TACC2: variants seen among roughly 807,000 people sequenced by gnomAD.
The protein encoded by TACC2 is transforming acidic coiled-coil containing protein 2, also known as transforming acidic coiled-coil-containing protein 2.
In TACC2, 137 loss-of-function variants were observed where a neutral mutation model predicts 227.3. The ratio of observed to expected loss-of-function variants is 0.60; its 90% CI spans 0.52 to 0.69. The LOEUF is 0.69. TACC2 is among the 30% of genes least tolerant of loss of function. The pLI is 0.00. For synonymous variants in TACC2, 1,523 were observed against 1,487.5 expected, an observed-to-expected ratio of 1.02 and a Z score of -0.55; for missense variants, 3,470 against 3,694.4, an observed-to-expected ratio of 0.94 and a Z score of 1.57.
At position 122,210,323 on chromosome 10, in the gene TACC2, G is replaced by A; in HGVS notation, c.5972-74G>A. ...GTCAACCCCTACGCTGGAGGGTGAT[G>A]TTTTGGTACAAGAGGAGAGGTGCCC... On this transcript the variant is annotated intron_variant, in intron 8 of 22. Transcript: ENST00000369005. This position sits in a 1 kb window ranked among gnomAD's most constrained non-coding sequence, Gnocchi z 4.6. 8.2e-7 allele frequency: 1 copy of A among 1,221,820 alleles called. No individual in the cohort carries two copies. The highest frequency in any genetic ancestry group is 1.2e-6 in the Non-Finnish European group (1 of 829,774). 75.7% of individuals were successfully genotyped at this position (1,221,820 alleles called of 1,614,324 possible).
intron 7 of TACC2, among the ~76,000 whole-genome samples, chr10:122,163,202 G>A (rs2092925766): frequency 6.6e-6 from 1 of 152,144 alleles, no homozygotes; most frequent in African/African-American, 2.4e-5. Flanking sequence ...CTCTCCCAGC[G>A]TCGCTCCCGC....
At chr10:122,216,894 A>C in intron 11 of TACC2, 66 bp downstream of exon 11, 1 of 1,613,198 alleles carries the variant, frequency 6.2e-7, no homozygotes, top group Admixed American at 1.7e-5. Flanking sequence ...TAGGGAGCCA[A>C]AGGCCAGGAG....
intron 22 of TACC2, among the ~76,000 whole-genome samples, chr10:122,252,457 G>C (rs1050448662): frequency 2.0e-5 from 3 of 151,994 alleles, no homozygotes; most frequent in African/African-American, 7.2e-5. Context: ...AGCAGCCCCA[G>C]CAGGGGCCAT....
chr10:122,052,563 G>A, intron 3 of TACC2: 1 of 151,666 alleles, frequency 6.6e-6, no homozygotes, highest in Non-Finnish European at 1.5e-5. Flanking sequence ...TGTGCCTGTA[G>A]TCCCAGCTAC....
chr10:122,135,727 C>T (rs892478409), intron 6 of TACC2, among the ~76,000 whole-genome samples: 2 of 152,228 alleles, frequency 1.3e-5, no homozygotes, highest in African/African-American at 4.8e-5. Flanking sequence ...AGAGTTGATA[C>T]TTGTGGTCCT....
chr10:122,047,755 T>C (rs1484776417), intron 2 of TACC2, among the ~76,000 whole-genome samples: 1 of 152,190 alleles, frequency 6.6e-6, no homozygotes, highest in Non-Finnish European at 1.5e-5. Context: ...TTCAATGACA[T>C]AGTTCATGGA....
intron 8 of TACC2, among the ~76,000 whole-genome samples, chr10:122,203,170 C>T (rs1405114876): frequency 1.4e-4 from 22 of 152,022 alleles, no homozygotes; most frequent in Non-Finnish European, 2.1e-4. Context: ...CAACGAGCTG[C>T]TGGGTACACC....
intron 2 of TACC2, among the ~76,000 whole-genome samples, chr10:122,049,472 TG>T (rs1458222741): frequency 2.0e-5 from 3 of 152,088 alleles, no homozygotes; most frequent in African/African-American, 7.2e-5. Context: ...GGCAGGGACA[TG>T]GGGCACTATG....
At chr10:122,233,237 AC>A (rs2095793476) in intron 16 of TACC2, among the ~76,000 whole-genome samples, 2 of 152,174 alleles carry the variant, frequency 1.3e-5, no homozygotes, top group African/African-American at 4.8e-5. Context: ...AGTGAACCTG[AC>A]CAAGGTCACT....
chr10:122,041,748 G>A (rs2074298338), intron 2 of TACC2, among the ~76,000 whole-genome samples: 1 of 152,186 alleles, frequency 6.6e-6, no homozygotes, highest in South Asian at 2.1e-4. Flanking sequence ...ACCCGGCCTT[G>A]ACAGCAGAGA....
intron 16 of TACC2, 111 bp from the exon 17 acceptor site, chr10:122,237,284 T>C (rs1280752192): frequency 9.3e-7 from 1 of 1,069,548 alleles, no homozygotes; most frequent in Non-Finnish European, 1.3e-6. Context: ...CTTTTGATGT[T>C]CTTTGTTTCA....
intron 9 of TACC2, among the ~76,000 whole-genome samples, chr10:122,214,945 G>T (rs979723284): frequency 2.2e-4 from 34 of 152,026 alleles, no homozygotes; most frequent in South Asian, 4.2e-4. Flanking sequence ...TTTCTGCGTG[G>T]CCCCCTTCAG....
chr10:122,082,873 C>G lies in TACC2; in HGVS notation c.373C>G (p.Pro125Ala), dbSNP rs1478832013. 6.2e-7 allele frequency: 1 copy of G among 1,613,414 alleles called. No individual in the cohort carries two copies. Among genetic ancestry groups the G allele is most frequent in the East Asian group, 2.2e-5 (1 of 44,852 alleles). ...TCCCCCGGAAGGTTGCTTGGCAAGT[C>G]CAGCAGCGGCACCTGAAGATGGTCC... ...ECPPEGCLAS[P>A]AAAPEDGPQT... Residue 125 changes from proline to alanine, a missense_variant, in exon 4 of 23, where the codon CCA becomes GCA. Transcript: ENST00000369005.
intron 7 of TACC2, among the ~76,000 whole-genome samples, chr10:122,175,200 C>T (rs1377070239): frequency 6.6e-6 from 1 of 152,198 alleles, no homozygotes; most frequent in Admixed American, 6.5e-5. Flanking sequence ...AGCAATTCTC[C>T]TGCCTTGGCC....
At chr10:121,998,170 G>A (rs1953792410) in intron 1 of TACC2, among the ~76,000 whole-genome samples, 2 of 151,960 alleles carry the variant, frequency 1.3e-5, no homozygotes, top group African/African-American at 4.8e-5. Flanking sequence ...AAATTAGCTG[G>A]GTGTGGTGGC....
At chr10:122,065,260 G>A (rs1408716839) in intron 3 of TACC2, among the ~76,000 whole-genome samples, 1 of 152,080 alleles carries the variant, frequency 6.6e-6, no homozygotes, top group Admixed American at 6.6e-5. Flanking sequence ...TTAAAATATA[G>A]GCATTTTAGT....
intron 3 of TACC2, among the ~76,000 whole-genome samples, chr10:122,072,833 G>A (rs1468688576): frequency 2.0e-5 from 3 of 152,080 alleles, no homozygotes; most frequent in Admixed American, 6.6e-5. Context: ...ATATAAATGA[G>A]GGCCGGGCGT....
chr10:121,999,505 G>A (rs139668373), intron 1 of TACC2, among the ~76,000 whole-genome samples: 221 of 152,314 alleles, frequency 1.5e-3, no homozygotes, highest in African/African-American at 5.0e-3. Context: ...CAAGCTCATC[G>A]CCACATGTGT....
At chr10:122,111,035 C>T (rs559075819) in intron 5 of TACC2, among the ~76,000 whole-genome samples, 2 of 152,322 alleles carry the variant, frequency 1.3e-5, no homozygotes, top group South Asian at 4.2e-4. Flanking sequence ...ATCTCTCGCT[C>T]ACTGTGCTTC....
Sources: allele counts gnomAD v4.1 joint callset (sites outside exome capture counted in the v4.1 genomes callset), GRCh38; gene constraint gnomAD v4.1.1; non-coding constraint Gnocchi (gnomAD v3.1); transcripts MANE v1.5; gene names NCBI Gene and HGNC (gene_info 2026-07-23, HGNC 2026-07-21).